ZNF878: variants seen among roughly 807,000 people sequenced by gnomAD.
ZNF878 encodes the protein zinc finger protein 878.
In ZNF878, 10 loss-of-function variants were observed where a neutral mutation model predicts 11.1. The observed-to-expected ratio is 0.90, with a 90% CI of 0.56 to 1.53. The LOEUF (loss-of-function observed/expected upper bound fraction) is 1.53, where lower values mean the gene tolerates loss of function less well. Ranked by LOEUF, ZNF878 falls within the 40% of genes most tolerant of loss-of-function variation. The pLI is 0.00. For missense variants in ZNF878, 548 were observed against 626.1 expected, an observed-to-expected ratio of 0.88 and a Z score of 1.33; for synonymous variants, 165 against 209.7, an observed-to-expected ratio of 0.79 and a Z score of 1.84.
chr19:12,046,907 G>T, intron 1 of ZNF878, 147 bp from the exon 2 acceptor site: 1 of 1,238,750 alleles, frequency 8.1e-7, no homozygotes, highest in Non-Finnish European at 1.1e-6. Flanking sequence ...CCCTTACTCT[G>T]TCTACACTCA....
At chr19:12,050,928 A>G (rs906566761) in intron 1 of ZNF878, among the ~76,000 whole-genome samples, 1 of 151,702 alleles carries the variant, frequency 6.6e-6, no homozygotes, top group Admixed American at 6.6e-5. Context: ...CCCCGTCTCT[A>G]CTAAAAAATA....
At position 12,044,302 on chromosome 19, in the gene ZNF878, AG is replaced by A; in HGVS notation, c.1098del (p.Phe367LeufsTer160). The A allele has an allele frequency of 3.1e-6, 5 of 1,612,898 alleles. No individual in the cohort carries two copies. Among genetic ancestry groups the A allele is most frequent in the Non-Finnish European group, 4.2e-6 (5 of 1,179,166 alleles). On this transcript the variant is annotated frameshift_variant, in exon 4 of 4. Coordinates refer to ENST00000547628, the MANE Select transcript of ZNF878 (RefSeq NM_001080404.3). LOFTEE classifies it low-confidence loss of function (END_TRUNC). ...GTTTTCCCACATTGTTTACATTCAA[AG>A]GGTTTCTCTCCAGTGTGTGTCCTTT... is the stretch of plus-strand genomic sequence containing the variant. ...IHERTHTGEK[P>X]FECKQCGKTF...
At chr19:12,049,870 A>G (rs912762047) in intron 1 of ZNF878, among the ~76,000 whole-genome samples, 1 of 152,162 alleles carries the variant, frequency 6.6e-6, no homozygotes, top group African/African-American at 2.4e-5. Context: ...CCCAAGGACT[A>G]TTCATTTTCC....
intron 1 of ZNF878, among the ~76,000 whole-genome samples, chr19:12,052,538 G>C (rs1975561421): frequency 6.6e-6 from 1 of 152,196 alleles, no homozygotes; most frequent in South Asian, 2.1e-4. Context: ...ACGCGGGGCT[G>C]CGGGCGCGGA....
chr19:12,048,449 C>T (rs1448847281), intron 1 of ZNF878, among the ~76,000 whole-genome samples: 1 of 149,338 alleles, frequency 6.7e-6, no homozygotes, highest in East Asian at 2.0e-4. Flanking sequence ...ACCCGGGAGG[C>T]GGAGCTTGCA....
At chr19:12,049,867 A>G (rs1599391677) in intron 1 of ZNF878, among the ~76,000 whole-genome samples, 3 of 152,262 alleles carry the variant, frequency 2.0e-5, no homozygotes, top group African/African-American at 7.2e-5. Flanking sequence ...CTGCCCAAGG[A>G]CTATTCATTT....
At chr19:12,046,088 G>A in intron 3 of ZNF878, 1 of 367,712 alleles carries the variant, frequency 2.7e-6, no homozygotes, top group African/African-American at 2.1e-5. Context: ...TTAGTTTTGA[G>A]TCAGGGTCTC....
At chr19:12,052,653 G>A in intron 1 of ZNF878, 146 bp downstream of exon 1, 1 of 1,000,156 alleles carries the variant, frequency 1.0e-6, no homozygotes, top group East Asian at 3.1e-5. Context: ...AGCGGCCGAG[G>A]GGACCGAGGG....
chr19:12,051,023 G>A (rs996370190), intron 1 of ZNF878, among the ~76,000 whole-genome samples: 5 of 150,354 alleles, frequency 3.3e-5, no homozygotes, highest in Non-Finnish European at 7.4e-5. Flanking sequence ...GTGAACCCGG[G>A]AGGCGGAGCT....
intron 2 of ZNF878, 38 bp from the exon 3 acceptor site, chr19:12,046,466 A>G (rs1474576794): frequency 6.4e-7 from 1 of 1,556,896 alleles, no homozygotes; most frequent in African/African-American, 1.4e-5. Flanking sequence ...CTGAATTAGT[A>G]TAAAATTATT....
intron 3 of ZNF878, among the ~76,000 whole-genome samples, chr19:12,045,684 T>C (rs1198679767): frequency 6.6e-6 from 1 of 152,016 alleles, no homozygotes; most frequent in African/African-American, 2.4e-5. Flanking sequence ...ATATCTCTTA[T>C]CAAAAAAGAT....
intron 1 of ZNF878, among the ~76,000 whole-genome samples, chr19:12,047,343 C>T (rs1412198681): frequency 6.6e-6 from 1 of 151,912 alleles, no homozygotes; most frequent in East Asian, 1.9e-4. Flanking sequence ...GCGGGCGGAT[C>T]GCCTGAGGTC....
At chr19:12,045,576 G>A (rs1163778687) in intron 3 of ZNF878, among the ~76,000 whole-genome samples, 3 of 151,100 alleles carry the variant, frequency 2.0e-5, no homozygotes, top group Non-Finnish European at 3.0e-5. Context: ...GAACCCGGGA[G>A]GCAGAGCTTA....
intron 1 of ZNF878, among the ~76,000 whole-genome samples, chr19:12,052,257 G>A (rs1324283961): frequency 6.6e-6 from 1 of 152,192 alleles, no homozygotes; most frequent in Non-Finnish European, 1.5e-5. Flanking sequence ...TCCCTCAGCC[G>A]AGGTCTCTCC....
chr19:12,043,982 G>A lies in ZNF878; in HGVS notation c.1419C>T (p.His473=). The change falls in exon 4 of 4, where the codon CAC becomes CAT. Residue 473 remains histidine, a synonymous_variant. Coordinates refer to ENST00000547628, the MANE Select transcript of ZNF878 (RefSeq NM_001080404.3). ...SNSIRYHKRT[H]TGEKPYKCKQ... The stretch of plus-strand genomic sequence containing the variant: ...TACATTTATAGGGTTTCTCTCCAGT[G>A]TGAGTCCTTTTATGATAGCGAATAG... 6.2e-7 allele frequency: 1 copy of A among 1,610,786 alleles called. No homozygotes were observed. Among genetic ancestry groups the A allele is most frequent in the East Asian group, 2.2e-5 (1 of 44,710 alleles).
Position 12,052,890 on chromosome 19 carries a change from C to T in ZNF878, c.-89G>A, listed in dbSNP as rs534193617. 9 of 1,514,400 alleles carry T rather than the reference C, an allele frequency of 5.9e-6. No homozygotes were observed. Among genetic ancestry groups the T allele is most frequent in the Non-Finnish European group, 8.0e-6 (9 of 1,128,968 alleles). 93.8% of individuals were successfully genotyped at this position (1,514,400 alleles called of 1,614,324 possible). A position where few individuals can be genotyped will look rare whatever the true frequency, so the allele number is the denominator to read the frequency against. On this transcript the variant is annotated 5_prime_UTR_variant, in exon 1 of 4. Transcript: ENST00000547628. ...GCAGTCGACAGAGCAACAGCAGCTA[C>T]GGCGGAAGTAACTGGTCCCTCTCGG... is the stretch of plus-strand genomic sequence containing the variant.
rs1975425512 is a variant in ZNF878, at chr19:12,043,996, G to C, written c.1405C>G (p.His469Asp). Residue 469 changes from histidine to aspartate, a missense_variant, in exon 4 of 4, where the codon CAT becomes GAT. His to Asp is a moderately conservative substitution (Grantham distance 81, BLOSUM62 -1). Around this residue, in one of 3 missense-constraint regions of ZNF878, gnomAD observed 335 missense variants for 358.2 expected, o/e 0.94. Coordinates refer to ENST00000547628, the MANE Select transcript of ZNF878 (RefSeq NM_001080404.3). Reference protein sequence around the residue: ...AFISSNSIRYHKRTHTGEKPY... With the variant: ...AFISSNSIRYDKRTHTGEKPY... Reference sequence around the variant, plus strand: ...TTCTCTCCAGTGTGAGTCCTTTTATGATAGCGAATAGAATTAGAAGAAATG... The same window carrying C: ...TTCTCTCCAGTGTGAGTCCTTTTATCATAGCGAATAGAATTAGAAGAAATG... The C allele has an allele frequency of 1.2e-6, 2 of 1,610,766 alleles. No individual in the cohort carries two copies. Among genetic ancestry groups the C allele is most frequent in the Non-Finnish European group, 1.7e-6 (2 of 1,177,634 alleles).
Position 12,044,537 on chromosome 19 carries a change from A to G in ZNF878, c.864T>C (p.Cys288=). Residue 288 remains cysteine, a synonymous_variant, in exon 4 of 4, where the codon TGT becomes TGC. Coordinates refer to ENST00000547628, the MANE Select transcript of ZNF878 (RefSeq NM_001080404.3). ...ACTTGACAGATCTGAAGGCTTTCCTACATTGTGTACACTCATAGGGTTTCT... is the reference window on the plus strand; with the variant it reads ...ACTTGACAGATCTGAAGGCTTTCCTGCATTGTGTACACTCATAGGGTTTCT... ...SGEKPYECTQ[C]RKAFRSVKYL... is the part of the protein sequence containing the mutation. 6.2e-7 allele frequency: 1 copy of G among 1,613,846 alleles called. No homozygotes were observed.
chr19:12,052,044 C>G (rs1055008692), intron 1 of ZNF878, among the ~76,000 whole-genome samples: 4 of 152,236 alleles, frequency 2.6e-5, no homozygotes, highest in Non-Finnish European at 5.9e-5. Flanking sequence ...ACACTCTCAA[C>G]CAACTGCCAC....
Sources: allele counts gnomAD v4.1 joint callset (sites outside exome capture counted in the v4.1 genomes callset), GRCh38; gene constraint gnomAD v4.1.1; regional missense constraint gnomAD v4.1.1; transcripts MANE v1.5; gene names NCBI Gene and HGNC (gene_info 2026-07-23, HGNC 2026-07-21).